GAB3: variants seen among roughly 807,000 people sequenced by gnomAD.
GAB3 encodes the protein GRB2 associated binding protein 3.
In GAB3, 12 loss-of-function variants were observed where a neutral mutation model predicts 40.4. The ratio of observed to expected loss-of-function variants is 0.30; its 90% CI spans 0.19 to 0.48. GAB3 has a LOEUF of 0.48. Ranked by LOEUF, GAB3 falls within the 20% of genes least tolerant of loss-of-function variation. The probability of loss-of-function intolerance (pLI) is 0.99; values close to 1 mark genes in which losing one functional copy is unlikely to be tolerated. For synonymous variants in GAB3, 154 were observed against 176.7 expected (o/e 0.87, Z 1.02); for missense variants, 381 against 461.9 (o/e 0.82, Z 1.61).
intron 8 of GAB3, among the ~76,000 whole-genome samples, chrX:154,681,948 A>C (rs145330586): frequency 9.8e-5 from 11 of 111,918 alleles, no homozygotes; most frequent in African/African-American, 3.6e-4. Flanking sequence ...TCTGTTAGGG[A>C]ATTGGTTAGA....
At chrX:154,733,880 T>A (rs1003011739) in intron 1 of GAB3, among the ~76,000 whole-genome samples, 3 of 112,339 alleles carry the variant, frequency 2.7e-5, no homozygotes, top group Non-Finnish European at 3.8e-5. Flanking sequence ...CCGAGTCAGT[T>A]ATCTGTCCTG....
intron 4 of GAB3, among the ~76,000 whole-genome samples, chrX:154,704,368 A>G (rs782384772): frequency 1.8e-5 from 2 of 111,596 alleles, no homozygotes; most frequent in South Asian, 3.7e-4. Flanking sequence ...AGTCAATAAT[A>G]ACTTAATTGT....
intron 1 of GAB3, among the ~76,000 whole-genome samples, chrX:154,717,551 T>C (rs968190098): frequency 7.2e-5 from 8 of 111,885 alleles, no homozygotes; most frequent in Non-Finnish European, 7.5e-5. Flanking sequence ...GAAAAGAGAA[T>C]GATATTCCAC....
At chrX:154,691,680 A>G (rs1557249451) in intron 8 of GAB3, among the ~76,000 whole-genome samples, 1 of 111,719 alleles carries the variant, frequency 9.0e-6, no homozygotes, top group African/African-American at 3.3e-5. Context: ...CCCTGTCCTT[A>G]AAGTTCACGT....
In GAB3 at chrX:154,710,230, T is replaced by C. The variant is rs1441996283; in HGVS notation, c.1069+1999A>G. ...ATTCATGGATTGGAAAATTCAACAT[T>C]GTAGTCAAATCTTCACAAACCGATC... On this transcript the variant is annotated intron_variant, in intron 4 of 9. Transcript: ENST00000424127. 2.7e-5 allele frequency among the ~76,000 whole-genome samples: 3 copies of C among 112,133 alleles called. No individual in the cohort carries two copies. In the Admixed American group the frequency reaches 2.8e-4, roughly 11 times the overall value.
upstream of GAB3, chrX:154,751,153 C>A (rs1603428823): frequency 5.0e-6 from 3 of 596,311 alleles, no homozygotes; most frequent in Non-Finnish European, 4.0e-6. Flanking sequence ...GCCGCTGCGA[C>A]CCCCGCCTCC....
At chrX:154,731,058 T>C (rs1557259921) in intron 1 of GAB3, among the ~76,000 whole-genome samples, 1 of 112,344 alleles carries the variant, frequency 8.9e-6, no homozygotes, top group East Asian at 2.8e-4. Flanking sequence ...TGACATGGAC[T>C]TGACCTTCCT....
chrX:154,709,376 A>G (rs1293450551), intron 4 of GAB3, among the ~76,000 whole-genome samples: 1 of 104,034 alleles, frequency 9.6e-6, no homozygotes, highest in Admixed American at 1.0e-4. Flanking sequence ...ACTGGAGTGC[A>G]GTGGTGTGAT....
At position 154,694,596 on chromosome X, in the gene GAB3, T is replaced by C. The variant is rs782774531; in HGVS notation, c.1530+1321A>G. ...TTTTAGTAGAGAAGGGGTTTCACCGTGTTAGCCAGGATGGTCTCGATCTCC... is the reference window on the plus strand; with the variant it reads ...TTTTAGTAGAGAAGGGGTTTCACCGCGTTAGCCAGGATGGTCTCGATCTCC... On this transcript the variant is annotated intron_variant, in intron 8 of 9. Coordinates refer to ENST00000424127, the MANE Select transcript of GAB3 (RefSeq NM_001081573.3). Among the ~76,000 whole-genome samples, 20 of 111,323 alleles carry C rather than the reference T, an allele frequency of 1.8e-4. 2 individuals are homozygous for C. In the South Asian group the frequency reaches 7.3e-3, roughly 40 times the overall value.
intron 1 of GAB3, among the ~76,000 whole-genome samples, chrX:154,730,878 G>C (rs1287028002): frequency 8.9e-6 from 1 of 112,269 alleles, no homozygotes; most frequent in Non-Finnish European, 1.9e-5. Flanking sequence ...ATAACTTCCT[G>C]TGATTGTCCT....
chrX:154,678,133 A>G lies in GAB3; in HGVS notation c.*45T>C. The G allele has an allele frequency of 1.5e-6, 1 of 645,465 alleles. No homozygotes were observed. The highest frequency in any genetic ancestry group is 2.4e-6 in the Non-Finnish European group (1 of 408,679). 53.2% of individuals were successfully genotyped at this position (645,465 alleles called of 1,213,427 possible). A position where few individuals can be genotyped will look rare whatever the true frequency, so the allele number is the denominator to read the frequency against. On this transcript the variant is annotated 3_prime_UTR_variant, in exon 10 of 10. Coordinates refer to ENST00000424127, the MANE Select transcript of GAB3 (RefSeq NM_001081573.3). ...AAAAAAAAAGAAAAAACTCAAACTG[A>G]GCCCCAAGCTTCCCTGTTTCACACA...
At chrX:154,689,425 G>A (rs1352126209) in intron 8 of GAB3, among the ~76,000 whole-genome samples, 5 of 111,722 alleles carry the variant, frequency 4.5e-5, no homozygotes, top group African/African-American at 1.6e-4. Flanking sequence ...GGGCAGTTAG[G>A]CAGGAGAAGG....
chrX:154,741,241 G>A (rs782290570), intron 1 of GAB3, among the ~76,000 whole-genome samples: 11 of 111,957 alleles, frequency 9.8e-5, no homozygotes, highest in African/African-American at 3.6e-4. Context: ...GGAACTTTGA[G>A]CCCATTAAAC....
Position 154,750,996 on chromosome X carries a change from G to A in GAB3, c.30C>T (p.Gly10=). The A allele has an allele frequency of 3.6e-6, 3 of 823,780 alleles. No homozygotes were observed. The highest frequency in any genetic ancestry group is 4.6e-5 in the South Asian group (1 of 21,938). The allele number at this position is 823,780 out of a possible 1,213,427, so 67.9% of individuals were successfully genotyped here. The change falls in exon 1 of 10, where the codon GGC becomes GGT. Residue 10 remains glycine, a synonymous_variant. Transcript: ENST00000424127. MSAGDAVCT[G]WLVKSPPERK... ...TCTCGGGGGGCGACTTAACGAGCCA[G>A]CCGGTGCACACTGCGTCGCCCGCAC...
chrX:154,749,187 G>A (rs2071573471), intron 1 of GAB3, among the ~76,000 whole-genome samples: 1 of 111,621 alleles, frequency 9.0e-6, no homozygotes, highest in Non-Finnish European at 1.9e-5. Context: ...ATCCCCTAAA[G>A]GAATGAACCG....
chrX:154,713,737 A>G (rs1412280003), intron 2 of GAB3, among the ~76,000 whole-genome samples: 5 of 63,179 alleles, frequency 7.9e-5, no homozygotes, highest in Admixed American at 4.1e-4. Flanking sequence ...CACTCAACTA[A>G]CAAACATATA....
intron 8 of GAB3, among the ~76,000 whole-genome samples, chrX:154,695,280 T>C (rs1557250379): frequency 3.6e-5 from 4 of 111,788 alleles, no homozygotes; most frequent in Non-Finnish European, 7.5e-5. Context: ...ATGTTCTCAA[T>C]AGCATCCAAG....
chrX:154,731,217 A>G (rs184903049), intron 1 of GAB3, among the ~76,000 whole-genome samples: 87 of 112,228 alleles, frequency 7.8e-4, no homozygotes, highest in African/African-American at 2.6e-3. Context: ...TTAGGTCAGG[A>G]TCAGGATGCA....
chrX:154,732,156 A>G lies in GAB3; in HGVS notation c.73-15827T>C, dbSNP rs1266362972. On this transcript the variant is annotated intron_variant, in intron 1 of 9. Coordinates refer to ENST00000424127, the MANE Select transcript of GAB3 (RefSeq NM_001081573.3). ...AAGAGGAACCTCATTCCACATGAAG[A>G]AAAGCATGAGCTGAATGACTGGGAT... 1.8e-5 allele frequency among the ~76,000 whole-genome samples: 2 copies of G among 112,174 alleles called. 1 individual carries two copies. The highest frequency in any genetic ancestry group is 6.5e-5 in the African/African-American group (2 of 30,800).
Sources: gnomAD v4.1 joint callset for allele counts (sites outside exome capture counted in the v4.1 genomes callset) on GRCh38, gnomAD v4.1.1 for gene constraint, MANE v1.5 for transcripts, NCBI Gene and HGNC (gene_info 2026-07-23, HGNC 2026-07-21) for gene names.